Variants in PTPRT observed in about 807,000 individuals in gnomAD.
The protein encoded by PTPRT is receptor-type tyrosine-protein phosphatase T.
In PTPRT, 56 loss-of-function variants were observed where a neutral mutation model predicts 176.8. The ratio of observed to expected loss-of-function variants is 0.32; its 90% CI spans 0.26 to 0.40. The LOEUF (loss-of-function observed/expected upper bound fraction) is 0.40. PTPRT is among the 10% of genes least tolerant of loss of function. The pLI is 1.00. For synonymous variants in PTPRT, 783 were observed against 739.0 expected, an observed-to-expected ratio of 1.06 and a Z score of -0.96; for missense variants, 1,540 against 1,908.2, an observed-to-expected ratio of 0.81 and a Z score of 3.60.
At chr20:42,503,923 T>C (rs1185872055) in intron 7 of PTPRT, among the ~76,000 whole-genome samples, 1 of 152,110 alleles carries the variant, frequency 6.6e-6, no homozygotes, top group Admixed American at 6.6e-5. Flanking sequence ...ACTCCCTCAC[T>C]TCATTCAGGT....
chr20:42,158,633 C>T (rs1014089342), intron 17 of PTPRT, among the ~76,000 whole-genome samples: 3 of 152,228 alleles, frequency 2.0e-5, no homozygotes, highest in East Asian at 1.9e-4. Context: ...ATCACAGGAG[C>T]CTTGATGATC....
rs560572063 is a variant in PTPRT at position 42,667,782 on chromosome 20, C to T, written c.1153+10084G>A. ...CAGAGCTAGCTGAAGGGCAGTAGTG[C>T]AGTCTCCTTCCTCAGGGTGCCACTT... On this transcript the variant is annotated intron_variant, in intron 7 of 30. Coordinates refer to ENST00000373187, the MANE Select transcript of PTPRT (RefSeq NM_007050.6). 3.3e-5 allele frequency among the ~76,000 whole-genome samples: 5 copies of T among 152,288 alleles called. No homozygotes were observed. In the South Asian group the frequency reaches 1.0e-3, roughly 32 times the overall value.
At chr20:43,085,996 A>G (rs1167606705) in intron 1 of PTPRT, among the ~76,000 whole-genome samples, 1 of 152,156 alleles carries the variant, frequency 6.6e-6, no homozygotes, top group Non-Finnish European at 1.5e-5. Context: ...TTTCAAGGAA[A>G]CAGTCACTTG....
chr20:42,751,388 G>A (rs1051973287), intron 6 of PTPRT, among the ~76,000 whole-genome samples: 2 of 152,170 alleles, frequency 1.3e-5, no homozygotes, highest in Non-Finnish European at 2.9e-5. Context: ...CAGCTTTCCC[G>A]ATCCAGTAGG....
intron 1 of PTPRT, among the ~76,000 whole-genome samples, chr20:43,129,169 G>A (rs184002725): frequency 6.6e-6 from 1 of 152,272 alleles, no homozygotes; most frequent in Admixed American, 6.5e-5. Context: ...GCCCAAGGGG[G>A]TGTAGGGGGC....
At chr20:42,643,372 G>A (rs2074807978) in intron 7 of PTPRT, among the ~76,000 whole-genome samples, 1 of 152,042 alleles carries the variant, frequency 6.6e-6, no homozygotes, top group African/African-American at 2.4e-5. Flanking sequence ...CTAGGCTGGA[G>A]TGCAGTGGTG....
chr20:42,721,741 A>C (rs996368254), intron 6 of PTPRT, among the ~76,000 whole-genome samples: 19 of 152,208 alleles, frequency 1.2e-4, no homozygotes, highest in African/African-American at 4.6e-4. Flanking sequence ...GCCTTTTCCA[A>C]GGAAATCCCT....
At chr20:42,623,240 G>T (rs1353678252) in intron 7 of PTPRT, among the ~76,000 whole-genome samples, 1 of 152,240 alleles carries the variant, frequency 6.6e-6, no homozygotes, top group Non-Finnish European at 1.5e-5. Flanking sequence ...AGATTGCAAA[G>T]CCAAAAGAGC....
At chr20:42,579,423 C>T (rs756197425) in intron 7 of PTPRT, among the ~76,000 whole-genome samples, 2 of 152,122 alleles carry the variant, frequency 1.3e-5, no homozygotes, top group Non-Finnish European at 2.9e-5. Context: ...GGTAAATACC[C>T]AGTAATGGCA....
intron 1 of PTPRT, among the ~76,000 whole-genome samples, chr20:42,989,190 T>G (rs182616690): frequency 3.1e-3 from 472 of 152,356 alleles, no homozygotes; most frequent in Non-Finnish European, 5.3e-3. Context: ...AGGGCTGGGT[T>G]TGAACTCTCA....
intron 1 of PTPRT, among the ~76,000 whole-genome samples, chr20:42,939,549 G>GT: frequency 6.6e-6 from 1 of 152,044 alleles, no homozygotes; most frequent in East Asian, 1.9e-4. Flanking sequence ...TTGAGACACT[G>GT]TTTTTTCGGT....
chr20:42,732,002 C>T (rs1392313781), intron 6 of PTPRT, among the ~76,000 whole-genome samples: 1 of 152,322 alleles, frequency 6.6e-6, no homozygotes, highest in Non-Finnish European at 1.5e-5. Context: ...TACTTTCTGT[C>T]GTGATGCTCT....
chr20:42,352,178 C>T lies in PTPRT; in HGVS notation c.1668G>A (p.Leu556=), dbSNP rs2058293608. 6.2e-7 allele frequency: 1 copy of T among 1,614,082 alleles called. No individual in the cohort carries two copies. Among genetic ancestry groups the T allele is most frequent in the African/African-American group, 1.3e-5 (1 of 74,914 alleles). The stretch of plus-strand genomic sequence containing the variant: ...TGAAGGAATAGGTGGTCCCTGGGTA[C>T]AGACCCACAAAGAGGTGGTGGGTTT... The part of the protein sequence containing the change: ...RNETHHLFVG[L]YPGTTYSFTI... The change falls in exon 10 of 31, where the codon CTG becomes CTA. Residue 556 remains leucine (L), a synonymous_variant. Coordinates refer to ENST00000373187, the MANE Select transcript of PTPRT (RefSeq NM_007050.6).
At chr20:43,117,917 T>C (rs1432185521) in intron 1 of PTPRT, among the ~76,000 whole-genome samples, 3 of 152,180 alleles carry the variant, frequency 2.0e-5, no homozygotes, top group Admixed American at 6.5e-5. Flanking sequence ...CTTTTGTAAC[T>C]AGATAGCATC....
At chr20:42,424,955 G>A (rs1223085043) in intron 9 of PTPRT, among the ~76,000 whole-genome samples, 3 of 151,542 alleles carry the variant, frequency 2.0e-5, no homozygotes, top group Admixed American at 1.3e-4. Flanking sequence ...AAAGTGTATG[G>A]AAAAAGAAAA....
In PTPRT at chr20:42,335,692, T is replaced by C. The variant is rs528070176; in HGVS notation, c.1865+14936A>G. Among the ~76,000 whole-genome samples, 255 of 152,170 alleles carry C rather than the reference T, an allele frequency of 1.7e-3. 1 individual carries two copies. Among genetic ancestry groups the C allele is most frequent in the Non-Finnish European group, 2.6e-3 (176 of 67,996 alleles). On this transcript the variant is annotated intron_variant, in intron 11 of 30. Transcript: ENST00000373187. Reference sequence around the variant, plus strand: ...GTTTTGTTTTAGGAAATAGAAGAAATTGGCAGAAAAGAAAAGGGGAAAAAG... The same window carrying C: ...GTTTTGTTTTAGGAAATAGAAGAAACTGGCAGAAAAGAAAAGGGGAAAAAG...
chr20:43,146,444 A>C (rs1371530039), intron 1 of PTPRT, among the ~76,000 whole-genome samples: 1 of 152,178 alleles, frequency 6.6e-6, no homozygotes, highest in Non-Finnish European at 1.5e-5. Flanking sequence ...TTCTGTGTTC[A>C]GAATAACCAC....
intron 1 of PTPRT, among the ~76,000 whole-genome samples, chr20:42,889,880 A>C (rs2079163515): frequency 6.6e-6 from 1 of 152,354 alleles, no homozygotes; most frequent in Middle Eastern, 3.4e-3. Context: ...CTTTACTAAA[A>C]GGGGGTTACA....
intron 7 of PTPRT, among the ~76,000 whole-genome samples, chr20:42,552,263 T>C (rs915671122): frequency 2.0e-5 from 3 of 152,120 alleles, no homozygotes; most frequent in African/African-American, 7.2e-5. Context: ...CTCCTTAACC[T>C]GAATTGGGAA....
Sources: gnomAD v4.1 joint callset for allele counts (sites outside exome capture counted in the v4.1 genomes callset) on GRCh38, gnomAD v4.1.1 for gene constraint, MANE v1.5 for transcripts, NCBI Gene and HGNC (gene_info 2026-07-23, HGNC 2026-07-21) for gene names.